RPS6KA2: variants seen among roughly 807,000 people sequenced by gnomAD.
The protein encoded by RPS6KA2 is ribosomal protein S6 kinase alpha-2.
Under a neutral mutation model 91.8 loss-of-function variants are expected in RPS6KA2, and 42 were observed. The observed-to-expected ratio is 0.46, with a 90% CI of 0.36 to 0.59. The LOEUF (loss-of-function observed/expected upper bound fraction) is 0.59, where lower values mean the gene tolerates loss of function less well. Ranked by LOEUF, RPS6KA2 falls within the 20% of genes least tolerant of loss-of-function variation. The probability of loss-of-function intolerance (pLI) is 0.00; values close to 1 mark genes in which losing one functional copy is unlikely to be tolerated. For missense variants in RPS6KA2, 798 were observed against 978.5 expected, an observed-to-expected ratio of 0.82 and a Z score of 2.46; for synonymous variants, 414 against 393.6, an observed-to-expected ratio of 1.05 and a Z score of -0.61.
chr6:166,458,175 G>A (rs1780164254), intron 12 of RPS6KA2, among the ~76,000 whole-genome samples: 1 of 152,164 alleles, frequency 6.6e-6, no homozygotes, highest in African/African-American at 2.4e-5. Flanking sequence ...CCAAATCTCA[G>A]GCTCTGTGTC....
chr6:166,468,488 T>C (rs1412087865), intron 11 of RPS6KA2, among the ~76,000 whole-genome samples: 1 of 152,104 alleles, frequency 6.6e-6, no homozygotes, highest in Non-Finnish European at 1.5e-5. Flanking sequence ...GTGTTACACA[T>C]TCCCAGAGGA....
intron 11 of RPS6KA2, among the ~76,000 whole-genome samples, chr6:166,461,956 A>G (rs1435460224): frequency 6.6e-6 from 1 of 152,190 alleles, no homozygotes; most frequent in Non-Finnish European, 1.5e-5. Context: ...GACATTTGGC[A>G]GTGCCCAAAG....
At chr6:166,518,955 C>T (rs1782753476) in intron 3 of RPS6KA2, among the ~76,000 whole-genome samples, 1 of 152,244 alleles carries the variant, frequency 6.6e-6, no homozygotes, top group Non-Finnish European at 1.5e-5. Context: ...CCATTGCCCA[C>T]CCTAGGTGGT....
intron 3 of RPS6KA2, among the ~76,000 whole-genome samples, chr6:166,518,094 T>C (rs1210196169): frequency 6.6e-6 from 1 of 151,982 alleles, no homozygotes; most frequent in Non-Finnish European, 1.5e-5. Context: ...TCTTGGCACC[T>C]GAGCAACATG....
In RPS6KA2 at chr6:166,697,059, G is replaced by A. The variant is rs1022837352; in HGVS notation, c.124-158275C>T. ...ATAAAATCTGTGTGTGTATATATAT[G>A]TGTGTGTGTGTGTGTGTGTGTATTT... On this transcript the variant is annotated intron_variant, in intron 2 of 21. Transcript: ENST00000503859. 2.9e-5 allele frequency among the ~76,000 whole-genome samples: 4 copies of A among 140,146 alleles called. No homozygotes were observed. In the East Asian group the frequency reaches 5.9e-4, roughly 21 times the overall value. 91.9% of individuals were successfully genotyped at this position (140,146 alleles called of 152,430 possible).
intron 8 of RPS6KA2, among the ~76,000 whole-genome samples, chr6:166,492,720 C>CTTTTTTTTTTTTTTT (rs10533292): frequency 7.1e-6 from 1 of 141,168 alleles, no homozygotes; most frequent in African/African-American, 2.7e-5. Context: ...TTTTTCTTTT[C>CTTTTTTTTTTTTTTT]TTTTTTTTTT....
At chr6:166,607,119 G>A (rs1281491172) in intron 1 of RPS6KA2, among the ~76,000 whole-genome samples, 14 of 138,794 alleles carry the variant, frequency 1.0e-4, no homozygotes, top group African/African-American at 3.6e-4. Flanking sequence ...TCCAGCCTGG[G>A]CAACAAGAGG....
chr6:166,802,642 T>TC (rs1779397221), intron 2 of RPS6KA2, among the ~76,000 whole-genome samples: 1 of 152,068 alleles, frequency 6.6e-6, no homozygotes, highest in African/African-American at 2.4e-5. Context: ...TGTGATGGGC[T>TC]CCCCCAGTTT....
rs1781562164 is a variant in RPS6KA2, at chr6:166,490,783, T to C, written c.748-42A>G. On this transcript the variant is annotated intron_variant, in intron 8 of 20. Coordinates refer to ENST00000265678, the MANE Select transcript of RPS6KA2 (RefSeq NM_021135.6). This position sits in a 1 kb window ranked among gnomAD's most constrained non-coding sequence, Gnocchi z 4.2. Reference sequence around the variant, plus strand: ...AGCACAGTGAGTTCATTCATCCAGATGGACCCGGCTTCACGGCAGAGTACC... The same window carrying C: ...AGCACAGTGAGTTCATTCATCCAGACGGACCCGGCTTCACGGCAGAGTACC... 3.3e-6 allele frequency: 5 copies of C among 1,504,588 alleles called. No individual in the cohort carries two copies. The highest frequency in any genetic ancestry group is 1.1e-5 in the South Asian group (1 of 87,234). The allele number at this position is 1,504,588 out of a possible 1,614,324, so 93.2% of individuals were successfully genotyped here. A position where few individuals can be genotyped will look rare whatever the true frequency, so the allele number is the denominator to read the frequency against.
intron 2 of RPS6KA2, among the ~76,000 whole-genome samples, chr6:166,857,013 A>T (rs1780919628): frequency 6.6e-6 from 1 of 152,258 alleles, no homozygotes. Context: ...AAATGCACAG[A>T]ACCGAAAGGC....
In RPS6KA2 at chr6:166,493,431, G is replaced by A. The variant is rs548965041; in HGVS notation, c.748-2690C>T. 1.1e-3 allele frequency among the ~76,000 whole-genome samples: 173 copies of A among 152,262 alleles called. No homozygotes were observed. The highest frequency in any genetic ancestry group is 4.0e-3 in the African/African-American group (168 of 41,540). On this transcript the variant is annotated intron_variant, in intron 8 of 20. Transcript: ENST00000265678. This position sits in a 1 kb window ranked among gnomAD's most constrained non-coding sequence, Gnocchi z 4.7. ...GTTTTGCTGATGAGTTTCTTGGGAC[G>A]TTATTTACAGTAAGACTTTTGCTGT...
At chr6:166,422,906 G>A (rs577645000) in intron 17 of RPS6KA2, among the ~76,000 whole-genome samples, 5 of 152,322 alleles carry the variant, frequency 3.3e-5, no homozygotes, top group South Asian at 2.1e-4. Context: ...CAGGTGAACC[G>A]CAGCTCTGCG....
intron 2 of RPS6KA2, among the ~76,000 whole-genome samples, chr6:166,647,629 A>C (rs1787649948): frequency 6.6e-6 from 1 of 152,194 alleles, no homozygotes; most frequent in African/African-American, 2.4e-5. Flanking sequence ...ACTGCTCTTA[A>C]ATTATCCAAA....
chr6:166,822,013 G>A (rs1779916731), intron 2 of RPS6KA2, among the ~76,000 whole-genome samples: 1 of 152,126 alleles, frequency 6.6e-6, no homozygotes, highest in Admixed American at 6.6e-5. Flanking sequence ...CACGCACCCA[G>A]ATCCTGGCCC....
intron 2 of RPS6KA2, among the ~76,000 whole-genome samples, chr6:166,668,311 C>T (rs1223680953): frequency 6.6e-6 from 1 of 152,104 alleles, no homozygotes; most frequent in Non-Finnish European, 1.5e-5. Context: ...GCACCTCACC[C>T]CTCAGTTCAT....
At chr6:166,738,272 T>A (rs968980177) in intron 2 of RPS6KA2, among the ~76,000 whole-genome samples, 1 of 152,210 alleles carries the variant, frequency 6.6e-6, no homozygotes, top group Admixed American at 6.5e-5. Context: ...TTGGAGGAAG[T>A]CCTCCAACAT....
At chr6:166,679,639 G>GGCGCTCCTCGATCTGGCC (rs1388600729) in intron 2 of RPS6KA2, among the ~76,000 whole-genome samples, 2 of 152,090 alleles carry the variant, frequency 1.3e-5, no homozygotes, top group Non-Finnish European at 2.9e-5. Context: ...TCAACCTGGC[G>GGCGCTCCTCGATCTGGCC]GCGCTCCTCG....
rs1790585997 is a variant in RPS6KA2, at chr6:166,733,294, C to G, written c.123+124906G>C. Reference sequence around the variant, plus strand: ...AAGTCACAGACCCTTTATGGACATGCAGGACTGATGCCGCCACTGTCAGTA... The same window carrying G: ...AAGTCACAGACCCTTTATGGACATGGAGGACTGATGCCGCCACTGTCAGTA... On this transcript the variant is annotated intron_variant, in intron 2 of 21. Transcript: ENST00000503859. The surrounding 1 kb of genome is among the most constrained non-coding windows in gnomAD (Gnocchi z 4.1). 6.6e-6 allele frequency among the ~76,000 whole-genome samples: 1 copy of G among 152,330 alleles called. No individual in the cohort carries two copies. Among genetic ancestry groups the G allele is most frequent in the South Asian group, 2.1e-4 (1 of 4,824 alleles).
In RPS6KA2 at chr6:166,536,598, C is replaced by T. The variant is rs1783486177; in HGVS notation, c.216+2070G>A. Reference sequence around the variant, plus strand: ...AATAGTATCTCTTCTTTCCAGAGTCCAGCTCGCATTAATCCACGAAGCGGA... The same window carrying T: ...AATAGTATCTCTTCTTTCCAGAGTCTAGCTCGCATTAATCCACGAAGCGGA... On this transcript the variant is annotated intron_variant, in intron 2 of 20. Coordinates refer to ENST00000265678, the MANE Select transcript of RPS6KA2 (RefSeq NM_021135.6). 2.0e-5 allele frequency among the ~76,000 whole-genome samples: 3 copies of T among 152,210 alleles called. No individual in the cohort carries two copies. The South Asian group carries it at 6.2e-4, about 32-fold the overall frequency.
Sources: allele counts gnomAD v4.1 joint callset (sites outside exome capture counted in the v4.1 genomes callset), GRCh38; gene constraint gnomAD v4.1.1; non-coding constraint Gnocchi (gnomAD v3.1); transcripts MANE v1.5; gene names NCBI Gene and HGNC (gene_info 2026-07-23, HGNC 2026-07-21).